The following NMNAT2 variants were observed in gnomAD, a reference collection of about 807,000 sequenced individuals.
The protein encoded by NMNAT2 is nicotinamide nucleotide adenylyltransferase 2.
Under a neutral mutation model 41.6 loss-of-function variants are expected in NMNAT2, and 11 were observed. That is an observed-to-expected ratio of 0.26 (90% CI 0.17 to 0.44). The LOEUF (loss-of-function observed/expected upper bound fraction) is 0.44. NMNAT2 is among the 20% of genes least tolerant of loss of function. The pLI, the probability that NMNAT2 is intolerant of heterozygous loss-of-function variation, is 1.00. For synonymous variants in NMNAT2, 148 were observed against 151.2 expected (o/e 0.98, Z 0.16); for missense variants, 288 against 407.7 (o/e 0.71, Z 2.53).
intron 1 of NMNAT2, among the ~76,000 whole-genome samples, chr1:183,342,651 CTT>C (rs1341464905): frequency 6.6e-6 from 1 of 152,236 alleles, no homozygotes; most frequent in African/African-American, 2.4e-5. Context: ...AGTTCTCTCT[CTT>C]GGTCTTCAGA....
intron 8 of NMNAT2, among the ~76,000 whole-genome samples, chr1:183,276,395 G>A (rs893792898): frequency 3.3e-5 from 5 of 152,154 alleles, no homozygotes; most frequent in African/African-American, 7.2e-5. Flanking sequence ...CTTCTCCCTG[G>A]TCCTATAATG....
intron 10 of NMNAT2, among the ~76,000 whole-genome samples, chr1:183,257,850 T>C (rs1660560310): frequency 6.6e-6 from 1 of 152,146 alleles, no homozygotes; most frequent in Non-Finnish European, 1.5e-5. Context: ...TTCTATTCTC[T>C]ATTTAGTTTT....
Position 183,305,716 on chromosome 1 carries a change from CTTTTTTTT to C in NMNAT2, c.86-11931_86-11924del, listed in dbSNP as rs5741563. Among the ~76,000 whole-genome samples, 214 of 123,172 alleles carry C rather than the reference CTTTTTTTT, an allele frequency of 1.7e-3. 1 individual carries two copies. The highest frequency in any genetic ancestry group is 6.2e-3 in the African/African-American group (205 of 32,870). The allele number at this position is 123,172 out of a possible 152,430, so 80.8% of individuals were successfully genotyped here. On this transcript the variant is annotated intron_variant, in intron 1 of 10. Transcript: ENST00000287713. ...TTGGAAAAACAGTTTCCTTTACAGCCTTTTTTTTTTTTTTTTTTTTAAAGAAAGAGTTT... is the reference window on the plus strand; with the variant it reads ...TTGGAAAAACAGTTTCCTTTACAGCCTTTTTTTTTTTTAAAGAAAGAGTTT...
intron 10 of NMNAT2, among the ~76,000 whole-genome samples, chr1:183,255,217 GT>G: frequency 6.6e-6 from 1 of 152,226 alleles, no homozygotes; most frequent in East Asian, 1.9e-4. Flanking sequence ...TCAAAAATCA[GT>G]TGACCATATA....
chr1:183,293,332 C>T (rs920316431), intron 2 of NMNAT2, among the ~76,000 whole-genome samples: 9 of 152,202 alleles, frequency 5.9e-5, no homozygotes, highest in African/African-American at 1.9e-4. Context: ...AGGCATAGGC[C>T]GTTTTCTCCT....
intron 1 of NMNAT2, among the ~76,000 whole-genome samples, chr1:183,409,166 G>A (rs920511157): frequency 1.3e-5 from 2 of 151,648 alleles, no homozygotes; most frequent in Non-Finnish European, 2.9e-5. Context: ...GCCAGACAGG[G>A]CAACAAAGTG....
intron 3 of NMNAT2, among the ~76,000 whole-genome samples, chr1:183,290,938 A>G (rs1270363709): frequency 6.6e-6 from 1 of 151,932 alleles, no homozygotes; most frequent in African/African-American, 2.4e-5. Context: ...TTTTTTTTAG[A>G]CAGAGTCTTG....
At chr1:183,279,229 C>A (rs1269583149) in intron 7 of NMNAT2, among the ~76,000 whole-genome samples, 1 of 152,240 alleles carries the variant, frequency 6.6e-6, no homozygotes, top group Non-Finnish European at 1.5e-5. Context: ...GGCACCCAGG[C>A]GCACTTCCTG....
At chr1:183,391,825 G>A (rs777714940) in intron 1 of NMNAT2, among the ~76,000 whole-genome samples, 21 of 152,012 alleles carry the variant, frequency 1.4e-4, no homozygotes, top group Non-Finnish European at 2.4e-4. Context: ...ATGATTGATC[G>A]TGCCCCCTAA....
intron 1 of NMNAT2, among the ~76,000 whole-genome samples, chr1:183,315,700 G>A (rs773749725): frequency 5.3e-5 from 8 of 149,762 alleles, no homozygotes; most frequent in African/African-American, 2.0e-4. Flanking sequence ...AGAATTGCTC[G>A]AACCTGGGAG....
intron 1 of NMNAT2, among the ~76,000 whole-genome samples, chr1:183,333,355 T>C (rs677002): frequency 0.27 from 40,325 of 152,086 alleles, 6,050 homozygotes; most frequent in African/African-American, 0.41. Context: ...AATCTGAGAG[T>C]ATGTTATCTT....
chr1:183,311,026 G>A (rs569002175), intron 1 of NMNAT2, among the ~76,000 whole-genome samples: 12 of 152,128 alleles, frequency 7.9e-5, no homozygotes, highest in Non-Finnish European at 1.3e-4. Flanking sequence ...TAAGGTTCCC[G>A]CTCACCCTGT....
intron 2 of NMNAT2, 55 bp from the exon 3 acceptor site, chr1:183,292,912 T>C (rs1661580930): frequency 6.4e-7 from 1 of 1,550,484 alleles, no homozygotes; most frequent in Non-Finnish European, 8.9e-7. Context: ...CACAACATCC[T>C]TGGGATACCA....
At chr1:183,255,399 T>TA (rs1660490228) in intron 10 of NMNAT2, among the ~76,000 whole-genome samples, 1 of 152,198 alleles carries the variant, frequency 6.6e-6, no homozygotes, top group Non-Finnish European at 1.5e-5. Context: ...ATTCAGGGTC[T>TA]TTTGCAGTTC....
At chr1:183,384,852 T>C (rs57163203) in intron 1 of NMNAT2, among the ~76,000 whole-genome samples, 1,767 of 151,924 alleles carry the variant, frequency 0.012, 26 homozygotes, top group African/African-American at 0.041. Flanking sequence ...CTGAGTAGAG[T>C]GCTGGGCAGG....
chr1:183,371,680 C>T (rs1053578705), intron 1 of NMNAT2, among the ~76,000 whole-genome samples: 1 of 152,188 alleles, frequency 6.6e-6, no homozygotes, highest in Non-Finnish European at 1.5e-5. Flanking sequence ...CCAGGGTATT[C>T]TGAGCTCTGC....
chr1:183,389,727 C>T (rs1428149737), intron 1 of NMNAT2, among the ~76,000 whole-genome samples: 2 of 122,322 alleles, frequency 1.6e-5, no homozygotes, highest in African/African-American at 6.6e-5. Flanking sequence ...CAGAGCAAGA[C>T]CCTGTCAAAA....
intron 1 of NMNAT2, among the ~76,000 whole-genome samples, chr1:183,297,320 C>T (rs55752632): frequency 4.6e-5 from 7 of 151,840 alleles, no homozygotes; most frequent in Non-Finnish European, 8.8e-5. Context: ...CTGGAGAATT[C>T]CACATAAAGA....
chr1:183,381,781 T>G (rs1005726487), intron 1 of NMNAT2, among the ~76,000 whole-genome samples: 2 of 152,254 alleles, frequency 1.3e-5, no homozygotes, highest in African/African-American at 4.8e-5. Context: ...GGCACTATTC[T>G]AAGCACTTTA....
Sources: allele counts gnomAD v4.1 joint callset (sites outside exome capture counted in the v4.1 genomes callset), GRCh38; gene constraint gnomAD v4.1.1; transcripts MANE v1.5; gene names NCBI Gene and HGNC (gene_info 2026-07-23, HGNC 2026-07-21).